The following HECW2 variants were observed in gnomAD, a reference collection of about 807,000 sequenced individuals.
HECW2 encodes the protein E3 ubiquitin-protein ligase HECW2.
Under a neutral mutation model 175.2 loss-of-function variants are expected in HECW2, and 61 were observed. The observed-to-expected ratio is 0.35, with a 90% confidence interval of 0.28 to 0.43. The LOEUF (loss-of-function observed/expected upper bound fraction) is 0.43. HECW2 is among the 20% of genes least tolerant of loss of function. HECW2 has a pLI of 1.00. For missense variants in HECW2, 1,524 were observed against 2,000.5 expected (o/e 0.76, Z 4.54); for synonymous variants, 671 against 731.0 (o/e 0.92, Z 1.32).
intron 1 of HECW2, among the ~76,000 whole-genome samples, chr2:196,570,485 G>A: frequency 6.6e-6 from 1 of 152,122 alleles, no homozygotes; most frequent in Non-Finnish European, 1.5e-5. Flanking sequence ...CTCACTCATA[G>A]GTGAGAATTA....
At chr2:196,264,860 A>G (rs2105944001) in intron 17 of HECW2, among the ~76,000 whole-genome samples, 1 of 152,370 alleles carries the variant, frequency 6.6e-6, no homozygotes, top group East Asian at 1.9e-4. Flanking sequence ...AGAATAGATG[A>G]CAGGTTCTAA....
At chr2:196,447,148 TA>T (rs755491660) in intron 1 of HECW2, among the ~76,000 whole-genome samples, 122 of 151,294 alleles carry the variant, frequency 8.1e-4, no homozygotes, top group Middle Eastern at 3.4e-3. Flanking sequence ...AATACTGGGA[TA>T]AAAAAAAATG....
At chr2:196,409,106 G>A (rs951294977) in intron 2 of HECW2, among the ~76,000 whole-genome samples, 1 of 152,084 alleles carries the variant, frequency 6.6e-6, no homozygotes, top group Non-Finnish European at 1.5e-5. Flanking sequence ...ACAGACCAGG[G>A]TTTTTTGTTT....
At chr2:196,404,885 TG>T (rs1483363163) in intron 2 of HECW2, among the ~76,000 whole-genome samples, 2 of 131,224 alleles carry the variant, frequency 1.5e-5, no homozygotes, top group Non-Finnish European at 3.1e-5. Flanking sequence ...AGTGCAGTGG[TG>T]CAATCTCGGC....
intron 1 of HECW2, among the ~76,000 whole-genome samples, chr2:196,513,852 A>G (rs1688048714): frequency 6.6e-6 from 1 of 152,232 alleles, no homozygotes; most frequent in Non-Finnish European, 1.5e-5. Context: ...GTACAGAAAT[A>G]GAGGGTAAGT....
intron 2 of HECW2, among the ~76,000 whole-genome samples, chr2:196,369,083 C>T (rs1474232786): frequency 6.6e-6 from 1 of 152,106 alleles, no homozygotes; most frequent in East Asian, 1.9e-4. Flanking sequence ...TTATTGCAGT[C>T]TTTACAGTCT....
intron 28 of HECW2, among the ~76,000 whole-genome samples, chr2:196,201,945 G>A (rs1461580502): frequency 2.0e-5 from 3 of 152,074 alleles, no homozygotes; most frequent in Non-Finnish European, 4.4e-5. Flanking sequence ...TTACTTCTTT[G>A]AATCCTGTGC....
intron 13 of HECW2, among the ~76,000 whole-genome samples, chr2:196,293,248 T>C (rs1250233567): frequency 1.3e-5 from 2 of 152,218 alleles, no homozygotes; most frequent in East Asian, 1.9e-4. Flanking sequence ...TGAGAACATG[T>C]GGTGTTTGGT....
intron 1 of HECW2, among the ~76,000 whole-genome samples, chr2:196,439,577 C>T (rs1372607555): frequency 1.3e-5 from 2 of 152,172 alleles, no homozygotes; most frequent in African/African-American, 4.8e-5. Flanking sequence ...CTCCAAACAA[C>T]TCCCTTAGAA....
In HECW2 at chr2:196,257,817, A is replaced by G. The variant is rs747007809; in HGVS notation, c.3419+6T>C. 7.5e-6 allele frequency: 12 copies of G among 1,603,044 alleles called. No homozygotes were observed. The highest frequency in any genetic ancestry group is 4.5e-5 in the East Asian group (2 of 44,826). On this transcript the variant is annotated splice_donor_region_variant and intron_variant, in intron 18 of 28. Coordinates refer to ENST00000644978, the MANE Select transcript of HECW2 (RefSeq NM_001348768.2). ...TCTGCTTCAAGAGTGAGTGTTACGT[A>G]TGTACCTCAGCAACATAACAAGGTC...
At chr2:196,266,346 C>T (rs1159748815) in intron 17 of HECW2, among the ~76,000 whole-genome samples, 1 of 150,632 alleles carries the variant, frequency 6.6e-6, no homozygotes, top group Admixed American at 6.6e-5. Flanking sequence ...GACCCCCTGC[C>T]TCAAAAGAAA....
At chr2:196,389,319 T>C (rs2125177913) in intron 2 of HECW2, among the ~76,000 whole-genome samples, 1 of 152,280 alleles carries the variant, frequency 6.6e-6, no homozygotes, top group Non-Finnish European at 1.5e-5. Flanking sequence ...GTTATTTCCT[T>C]AGTGCAGCAT....
chr2:196,429,467 G>C (rs1695645045), intron 2 of HECW2, among the ~76,000 whole-genome samples: 1 of 152,194 alleles, frequency 6.6e-6, no homozygotes, highest in Non-Finnish European at 1.5e-5. Flanking sequence ...GAAATGGCTA[G>C]AGGGGAAAAT....
chr2:196,255,784 A>G (rs1689031465), intron 18 of HECW2, among the ~76,000 whole-genome samples: 1 of 152,228 alleles, frequency 6.6e-6, no homozygotes, highest in South Asian at 2.1e-4. Context: ...TGAAATAAAA[A>G]ATAAAGGGCT....
intron 2 of HECW2, among the ~76,000 whole-genome samples, chr2:196,402,954 G>A (rs1319769795): frequency 2.6e-5 from 4 of 152,042 alleles, no homozygotes; most frequent in South Asian, 2.1e-4. Flanking sequence ...TTACAGGCGC[G>A]CACTACCATG....
chr2:196,462,353 G>C (rs935302118), intron 1 of HECW2, among the ~76,000 whole-genome samples: 8 of 152,070 alleles, frequency 5.3e-5, no homozygotes, highest in African/African-American at 1.7e-4. Context: ...AAGGAACTCT[G>C]AGTTTTTCAT....
intron 1 of HECW2, among the ~76,000 whole-genome samples, chr2:196,581,188 G>T (rs1024648453): frequency 6.6e-6 from 1 of 152,162 alleles, no homozygotes; most frequent in Non-Finnish European, 1.5e-5. Flanking sequence ...GTGATGAAAA[G>T]GTTCAGGAAT....
intron 28 of HECW2, among the ~76,000 whole-genome samples, chr2:196,203,460 A>G (rs1446370708): frequency 6.6e-6 from 1 of 152,206 alleles, no homozygotes; most frequent in Non-Finnish European, 1.5e-5. Context: ...GGGAGGAAGA[A>G]GCAGAAAAGT....
In HECW2 at chr2:196,355,065, T is replaced by C. The variant is rs546620399; in HGVS notation, c.293-11301A>G. Among the ~76,000 whole-genome samples the C allele has an allele frequency of 5.3e-5, 8 of 152,356 alleles. No individual in the cohort carries two copies. In the South Asian group the frequency reaches 1.7e-3, roughly 32 times the overall value. Reference sequence around the variant, plus strand: ...AAATGGAAAATTACTAAAGGCTTACTTACATCAAACAAGAAACTTATAATT... The same window carrying C: ...AAATGGAAAATTACTAAAGGCTTACCTACATCAAACAAGAAACTTATAATT... On this transcript the variant is annotated intron_variant, in intron 2 of 28. Coordinates refer to ENST00000644978, the MANE Select transcript of HECW2 (RefSeq NM_001348768.2).
Sources: gnomAD v4.1 joint callset for allele counts (sites outside exome capture counted in the v4.1 genomes callset) on GRCh38, gnomAD v4.1.1 for gene constraint, MANE v1.5 for transcripts, NCBI Gene and HGNC (gene_info 2026-07-23, HGNC 2026-07-21) for gene names.